Variants in COX11 observed in about 807,000 individuals in gnomAD.
COX11 encodes the protein cytochrome c oxidase copper chaperone COX11, also known as cytochrome c oxidase assembly protein COX11, mitochondrial.
Under a neutral mutation model 29.4 loss-of-function variants are expected in COX11, and 18 were observed. The ratio of observed to expected loss-of-function variants is 0.61; its 90% CI spans 0.42 to 0.91. COX11 has a LOEUF of 0.91. Among genes scored for constraint, COX11 ranks in the 40% least tolerant of loss-of-function variants. COX11 has a pLI of 0.00. For missense variants in COX11, 312 were observed against 346.0 expected (o/e 0.90, Z 0.78); for synonymous variants, 131 against 124.0 (o/e 1.06, Z -0.38).
chr17:54,964,972 G>A (rs1567857121), intron 1 of COX11, 120 bp from the exon 2 acceptor site: 3 of 887,324 alleles, frequency 3.4e-6, no homozygotes, highest in Admixed American at 2.6e-5. Context: ...TTTACATATG[G>A]TAACTGACCA....
Position 54,952,781 on chromosome 17 carries a change from T to C in COX11, n.2369A>G, listed in dbSNP as rs1218030437. 2.0e-5 allele frequency: 3 copies of C among 152,396 alleles called. No individual in the cohort carries two copies. In the East Asian group the frequency reaches 5.8e-4, roughly 29 times the overall value. The allele number at this position is 152,396 out of a possible 1,614,324, so 9.4% of individuals were successfully genotyped here. A position where few individuals can be genotyped will look rare whatever the true frequency, so the allele number is the denominator to read the frequency against. ...AAGGAGTCATATGAGGCCCCAAGTCTGGAACTTCCCCAGGAACTAGGGCCA... is the reference window on the plus strand; with the variant it reads ...AAGGAGTCATATGAGGCCCCAAGTCCGGAACTTCCCCAGGAACTAGGGCCA... On this transcript the variant is annotated non_coding_transcript_exon_variant, in exon 1 of 1. Coordinates refer to the COX11 transcript ENST00000572088.
chr17:54,952,278 A>G (rs1263995977), exon 1 of COX11: 1 of 152,106 alleles, frequency 6.6e-6, no homozygotes, highest in African/African-American at 2.4e-5. Flanking sequence ...ATTAGGCCTG[A>G]TGTGGTGGCT....
exon 1 of COX11, chr17:54,952,771 G>C (rs537378227): frequency 6.6e-6 from 1 of 152,270 alleles, no homozygotes; most frequent in East Asian, 1.9e-4. Context: ...GTCATATGAG[G>C]CCCCAAGTCT....
At chr17:54,967,544 A>C (rs1038553749) in intron 1 of COX11, among the ~76,000 whole-genome samples, 2 of 152,098 alleles carry the variant, frequency 1.3e-5, no homozygotes, top group Non-Finnish European at 2.9e-5. Flanking sequence ...CAACTACAGG[A>C]CTTAACTAAA....
chr17:54,964,980 C>T, intron 1 of COX11, 128 bp from the exon 2 acceptor site: 2 of 811,924 alleles, frequency 2.5e-6, no homozygotes, highest in South Asian at 3.6e-5. Context: ...TGGTAACTGA[C>T]CATTGCTGTA....
chr17:54,957,652 C>T (rs1321054383), downstream of COX11: 2 of 152,110 alleles, frequency 1.3e-5, no homozygotes, highest in Non-Finnish European at 1.5e-5. Flanking sequence ...GACTTCCCTC[C>T]AAGGAAAAGC....
chr17:54,952,781 T>G (rs1218030437), exon 1 of COX11: 1 of 152,278 alleles, frequency 6.6e-6, no homozygotes, highest in African/African-American at 2.4e-5. Context: ...GCCCCAAGTC[T>G]GGAACTTCCC....
At chr17:54,960,165 C>A (rs1416455838), downstream of COX11, among the ~76,000 whole-genome samples, 1 of 152,014 alleles carries the variant, frequency 6.6e-6, no homozygotes, top group Non-Finnish European at 1.5e-5. Flanking sequence ...GAGTTTGAAA[C>A]CAGCCTGGCC....
intron 1 of COX11, among the ~76,000 whole-genome samples, chr17:54,966,391 T>C (rs1598113004): frequency 6.6e-6 from 1 of 152,238 alleles, no homozygotes; most frequent in African/African-American, 2.4e-5. Flanking sequence ...TATGATTGCA[T>C]GTGGGCACAT....
At position 54,968,521 on chromosome 17, in the gene COX11, C is replaced by T. The variant is rs201796111; in HGVS notation, c.126G>A (p.Gly42=). The part of the protein sequence containing the change: ...VEPFLRPEWS[G]TGGAERGLRW... ...TCAGTCCTCTCTCGGCACCTCCTGT[C>T]CCACTCCACTCTGGCCTAAGAAACG... The change falls in exon 1 of 4, where the codon GGG becomes GGA. Residue 42 remains glycine, a synonymous_variant. Coordinates refer to ENST00000299335, the MANE Select transcript of COX11 (RefSeq NM_004375.5). The T allele has an allele frequency of 6.2e-7, 1 of 1,613,348 alleles. No homozygotes were observed. Among genetic ancestry groups the T allele is most frequent in the African/African-American group, 1.3e-5 (1 of 74,996 alleles).
intron 1 of COX11, 73 bp downstream of exon 1, chr17:54,968,208 G>C: frequency 6.4e-7 from 1 of 1,552,652 alleles, no homozygotes; most frequent in Admixed American, 2.1e-5. Flanking sequence ...CAGAGCGAGG[G>C]CTTGTCCCGG....
chr17:54,966,669 G>C (rs190142328), intron 1 of COX11, among the ~76,000 whole-genome samples: 124 of 152,290 alleles, frequency 8.1e-4, no homozygotes, highest in Non-Finnish European at 1.3e-3. Context: ...GAAGGATCTA[G>C]ATTTGCTGAT....
In COX11 at chr17:54,962,579, TTC is replaced by T; in HGVS notation, c.*152_*153del. The stretch of plus-strand genomic sequence containing the variant: ...TTTCTTATGATAAAAGCTGAACTTG[TTC>T]TCTCAAGTTTAAGTGAAAAAAATTA... On this transcript the variant is annotated 3_prime_UTR_variant, in exon 4 of 4. Transcript: ENST00000299335. 2 of 1,343,332 alleles carry T rather than the reference TTC, an allele frequency of 1.5e-6. No individual in the cohort carries two copies. Among genetic ancestry groups the T allele is most frequent in the South Asian group, 1.9e-5 (1 of 53,692 alleles). The allele number at this position is 1,343,332 out of a possible 1,614,324, so 83.2% of individuals were successfully genotyped here.
Position 54,961,541 on chromosome 17 carries a change from T to C in COX11, c.*1192A>G, listed in dbSNP as rs2077125019. On this transcript the variant is annotated 3_prime_UTR_variant, in exon 4 of 4. Coordinates refer to ENST00000299335, the MANE Select transcript of COX11 (RefSeq NM_004375.5). ...CAGTGTCATGTTTCACAGGCCTTCC[T>C]ACATTTAGAAATCGTCACACAGCTG... The C allele has an allele frequency of 1.5e-6, 2 of 1,378,170 alleles. No individual in the cohort carries two copies. Among genetic ancestry groups the C allele is most frequent in the Admixed American group, 3.2e-5 (1 of 30,968 alleles). The allele number at this position is 1,378,170 out of a possible 1,614,324, so 85.4% of individuals were successfully genotyped here. A position where few individuals can be genotyped will look rare whatever the true frequency, so the allele number is the denominator to read the frequency against.
chr17:54,956,528 G>A (rs532297313), downstream of COX11, among the ~76,000 whole-genome samples: 78 of 152,154 alleles, frequency 5.1e-4, no homozygotes, highest in African/African-American at 1.8e-3. Context: ...GGCTGGTCTC[G>A]AACTCTTGGT....
exon 1 of COX11, chr17:54,952,391 A>C (rs2049277449): frequency 6.6e-6 from 1 of 152,034 alleles, no homozygotes; most frequent in Admixed American, 6.6e-5. Context: ...TACTAAAAAT[A>C]CAAAAATTAG....
At position 54,962,746 on chromosome 17, in the gene COX11, G is replaced by C. The variant is rs1328816632; in HGVS notation, c.818C>G (p.Pro273Arg). ...TAGTTGCTGACTTCAATTATATCCT[G>C]GAACTGGCAACTTGTGCCCTTCCTT... ...EAKEGHKLPV[P>R]GYN Residue 273 changes from proline to arginine, a missense_variant, in exon 4 of 4, where the codon CCA (proline) becomes CGA (arginine). By Grantham distance (103) the Pro-to-Arg change is moderately radical. Coordinates refer to ENST00000299335, the MANE Select transcript of COX11 (RefSeq NM_004375.5). 1 of 1,611,072 alleles carries C rather than the reference G, an allele frequency of 6.2e-7. No individual in the cohort carries two copies. Among genetic ancestry groups the C allele is most frequent in the East Asian group, 2.2e-5 (1 of 44,746 alleles).
chr17:54,968,571 T>G lies in COX11; in HGVS notation c.76A>C (p.Thr26Pro). 1.2e-6 allele frequency: 2 copies of G among 1,613,000 alleles called. No homozygotes were observed. Among genetic ancestry groups the G allele is most frequent in the Non-Finnish European group, 1.7e-6 (2 of 1,179,986 alleles). Residue 26 changes from threonine (T) to proline (P), a missense_variant, in exon 1 of 4, where the codon ACC (threonine) becomes CCC (proline). By Grantham distance (38) the Thr-to-Pro change is conservative (BLOSUM62 -1). Around this residue, in one of 2 missense-constraint regions of COX11, gnomAD observed 130 missense variants for 106.0 expected, o/e 1.23. Transcript: ENST00000299335. ...GGCTCTACCCTCTCTGCAGCCCTGGTTGGAGACCCAGGGTGGATCCAGCGC... is the reference window on the plus strand; with the variant it reads ...GGCTCTACCCTCTCTGCAGCCCTGGGTGGAGACCCAGGGTGGATCCAGCGC... The part of the protein sequence containing the change: ...GWRWIHPGSP[T>P]RAAERVEPFL...
In COX11 at chr17:54,962,921, A is replaced by C; in HGVS notation, c.649-6T>G. On this transcript the variant is annotated splice_polypyrimidine_tract_variant and splice_region_variant and intron_variant, in intron 3 of 3. Coordinates refer to ENST00000299335, the MANE Select transcript of COX11 (RefSeq NM_004375.5). ...TGTTCTTCAAAACAGAAGCACTGGA[A>C]ATTATAGAAAGATTTTAATAACATT... 6.2e-7 allele frequency: 1 copy of C among 1,601,500 alleles called. No individual in the cohort carries two copies. The highest frequency in any genetic ancestry group is 8.5e-7 in the Non-Finnish European group (1 of 1,173,422).
Sources: gnomAD v4.1 joint callset for allele counts (sites outside exome capture counted in the v4.1 genomes callset) on GRCh38, gnomAD v4.1.1 for gene constraint, gnomAD v4.1.1 regional missense constraint, MANE v1.5 for transcripts, NCBI Gene and HGNC (gene_info 2026-07-23, HGNC 2026-07-21) for gene names.